POF1B: variants seen among roughly 807,000 people sequenced by gnomAD.
The protein encoded by POF1B is POF1B actin binding protein, also known as protein POF1B.
Under a neutral mutation model 55.3 loss-of-function variants are expected in POF1B, and 53 were observed. The ratio of observed to expected loss-of-function variants is 0.96; its 90% CI spans 0.77 to 1.20. POF1B has a LOEUF of 1.20. Among genes scored for constraint, POF1B ranks in the 50% most tolerant of loss-of-function variants. POF1B has a pLI of 0.00. For synonymous variants in POF1B, 188 were observed against 148.3 expected (o/e 1.27, Z -1.95); for missense variants, 478 against 420.5 (o/e 1.14, Z -1.20).
chrX:85,370,387 A>G (rs1290565821), intron 2 of POF1B, among the ~76,000 whole-genome samples: 1 of 111,785 alleles, frequency 8.9e-6, no homozygotes, highest in African/African-American at 3.2e-5. Flanking sequence ...GATCATCTAG[A>G]CAAATGTGGC....
chrX:85,284,267 G>A (rs975900354), intron 15 of POF1B, among the ~76,000 whole-genome samples: 53 of 111,314 alleles, frequency 4.8e-4, no homozygotes, highest in African/African-American at 1.7e-3. Flanking sequence ...TCCCCATCAA[G>A]CTACCAATGA....
At chrX:85,314,109 G>A (rs755396772) in intron 9 of POF1B, among the ~76,000 whole-genome samples, 2 of 110,783 alleles carry the variant, frequency 1.8e-5, no homozygotes, top group Non-Finnish European at 3.8e-5. Context: ...AGTCTGGCTA[G>A]TGGTAGGGAA....
At chrX:85,358,321 C>T (rs1933540926) in intron 4 of POF1B, among the ~76,000 whole-genome samples, 1 of 111,368 alleles carries the variant, frequency 9.0e-6, no homozygotes, top group South Asian at 3.7e-4. Flanking sequence ...CTACATCTCA[C>T]CATGTATTCT....
intron 16 of POF1B, among the ~76,000 whole-genome samples, chrX:85,281,584 G>T (rs960078208): frequency 1.8e-5 from 2 of 109,964 alleles, no homozygotes; most frequent in East Asian, 5.7e-4. Context: ...GGAGGATGTT[G>T]TAGAAGGTAG....
chrX:85,283,009 A>G (rs924054655), intron 15 of POF1B, among the ~76,000 whole-genome samples: 1 of 111,638 alleles, frequency 9.0e-6, no homozygotes, highest in Non-Finnish European at 1.9e-5. Context: ...ATACTGCAGA[A>G]TATTGCCTTA....
At chrX:85,355,626 A>C (rs1156332152) in intron 4 of POF1B, among the ~76,000 whole-genome samples, 1 of 111,444 alleles carries the variant, frequency 9.0e-6, no homozygotes, top group Non-Finnish European at 1.9e-5. Context: ...AAAACAAACA[A>C]CCCCATCGAA....
At chrX:85,351,647 A>G (rs1933391817) in intron 4 of POF1B, among the ~76,000 whole-genome samples, 196 bp from the exon 5 acceptor site, 1 of 110,686 alleles carries the variant, frequency 9.0e-6, no homozygotes, top group African/African-American at 3.3e-5. Flanking sequence ...AAAAAGAACA[A>G]TCTGGATTTC....
At chrX:85,320,482 G>A (rs1324278861) in intron 7 of POF1B, among the ~76,000 whole-genome samples, 1 of 110,831 alleles carries the variant, frequency 9.0e-6, no homozygotes, top group African/African-American at 3.3e-5. Context: ...GCCCACAAGA[G>A]AAAGCAGGAA....
chrX:85,302,823 G>C (rs1932488594), intron 15 of POF1B, among the ~76,000 whole-genome samples: 1 of 111,662 alleles, frequency 9.0e-6, no homozygotes, highest in Non-Finnish European at 1.9e-5. Flanking sequence ...AGACACAAAA[G>C]ACTATATGTT....
At chrX:85,372,375 T>A (rs1228459833) in intron 2 of POF1B, among the ~76,000 whole-genome samples, 2 of 108,124 alleles carry the variant, frequency 1.8e-5, no homozygotes, top group African/African-American at 6.7e-5. Context: ...GAAAAAGAAT[T>A]TGGTTTATAA....
intron 4 of POF1B, among the ~76,000 whole-genome samples, chrX:85,354,185 T>G (rs773293417): frequency 3.6e-5 from 4 of 111,338 alleles, no homozygotes; most frequent in African/African-American, 1.3e-4. Flanking sequence ...ACCCTTAATC[T>G]ATAATTTTAA....
Position 85,379,480 on chromosome X carries a change from C to A in POF1B, c.-26G>T. ...CTTCTTCCAGTGGTCAGCAAGGGAC[C>A]TCCCAGATGTTCTACCTAAGGAACA... is the stretch of plus-strand genomic sequence containing the variant. On this transcript the variant is annotated 5_prime_UTR_variant, in exon 2 of 17. The change creates a new upstream start codon in the 5' untranslated region. Coordinates refer to ENST00000262753, the MANE Select transcript of POF1B (RefSeq NM_024921.4). 1 of 1,199,075 alleles carries A rather than the reference C, an allele frequency of 8.3e-7. No homozygotes were observed. The highest frequency in any genetic ancestry group is 1.8e-5 in the South Asian group (1 of 55,825).
intron 2 of POF1B, among the ~76,000 whole-genome samples, chrX:85,378,892 G>A (rs1933964901): frequency 8.9e-6 from 1 of 112,181 alleles, no homozygotes; most frequent in Admixed American, 9.4e-5. Flanking sequence ...GGGGCAAAGG[G>A]ATTCCTTGGA....
At chrX:85,363,384 ATG>A (rs772578885) in intron 3 of POF1B, among the ~76,000 whole-genome samples, 1,544 of 110,869 alleles carry the variant, frequency 0.014, 30 homozygotes, top group African/African-American at 0.048. Flanking sequence ...TGGGTGTTTA[ATG>A]CTATAAATTT....
chrX:85,280,758 A>G (rs998725960), intron 16 of POF1B, among the ~76,000 whole-genome samples: 1 of 111,417 alleles, frequency 9.0e-6, no homozygotes, highest in African/African-American at 3.2e-5. Context: ...CCAGAAGGAT[A>G]TCACACATTC....
intron 15 of POF1B, among the ~76,000 whole-genome samples, chrX:85,301,817 A>G (rs1436945890): frequency 8.9e-6 from 1 of 112,175 alleles, no homozygotes; most frequent in East Asian, 2.8e-4. Context: ...GAATTACATT[A>G]AATGTAAGTG....
At chrX:85,326,418 G>T (rs913546944) in intron 7 of POF1B, among the ~76,000 whole-genome samples, 6 of 110,397 alleles carry the variant, frequency 5.4e-5, no homozygotes, top group Non-Finnish European at 1.1e-4. Context: ...AGCTACTGCT[G>T]GGGGGTGGGG....
intron 6 of POF1B, among the ~76,000 whole-genome samples, chrX:85,339,903 G>A (rs1213249309): frequency 9.0e-6 from 1 of 111,178 alleles, no homozygotes; most frequent in Non-Finnish European, 1.9e-5. Context: ...CGTGGTCCCT[G>A]GGCCAGTAAA....
intron 5 of POF1B, among the ~76,000 whole-genome samples, chrX:85,350,807 G>T (rs973772777): frequency 9.0e-6 from 1 of 111,357 alleles, no homozygotes; most frequent in African/African-American, 3.3e-5. Context: ...ACACCAGTTA[G>T]AATGGCAATG....
Sources: gnomAD v4.1 joint callset for allele counts (sites outside exome capture counted in the v4.1 genomes callset) on GRCh38, gnomAD v4.1.1 for gene constraint, MANE v1.5 for transcripts, NCBI Gene and HGNC (gene_info 2026-07-23, HGNC 2026-07-21) for gene names.